Variants in FGF13 observed in about 807,000 individuals in gnomAD.
The protein encoded by FGF13 is fibroblast growth factor homologous factor 2.
FGF13 carries 2 observed loss-of-function variants against 19.5 expected under a neutral mutation model. The observed-to-expected ratio is 0.10, with a 90% CI of 0.04 to 0.32. FGF13 has a LOEUF of 0.32. Among genes scored for constraint, FGF13 ranks in the 10% least tolerant of loss-of-function variants. The pLI is 1.00. For synonymous variants in FGF13, 72 were observed against 76.9 expected (o/e 0.94, Z 0.33); for missense variants, 113 against 192.7 (o/e 0.59, Z 2.45).
intron 1 of FGF13, among the ~76,000 whole-genome samples, chrX:138,964,736 G>A (rs770004276): frequency 3.6e-5 from 4 of 111,230 alleles, no homozygotes; most frequent in Admixed American, 9.6e-5. Flanking sequence ...CATGGTAAGA[G>A]AGGGAGCCAG....
chrX:139,112,556 C>T (rs1412880151), intron 1 of FGF13, among the ~76,000 whole-genome samples: 1 of 111,882 alleles, frequency 8.9e-6, no homozygotes, highest in African/African-American at 3.3e-5. Context: ...TTTTTAATCC[C>T]CATAAAATGT....
intron 1 of FGF13, among the ~76,000 whole-genome samples, chrX:139,075,834 T>TAAAGTACCTTCATTTATATAGCTTGAATC (rs1603184653): frequency 1.4e-4 from 5 of 36,953 alleles, no homozygotes; most frequent in Admixed American, 2.4e-4. Flanking sequence ...GTGTATTTCT[T>TAAAGTACCTTCATTTATATAGCTTGAATC]TTTTTTTTTT....
intron 1 of FGF13, among the ~76,000 whole-genome samples, chrX:138,865,845 TACA>T (rs765801674): frequency 1.8e-4 from 20 of 111,748 alleles, no homozygotes; most frequent in Middle Eastern, 4.6e-3. Context: ...AATCAGGACC[TACA>T]ACATGTGTCT....
chrX:138,625,737 G>A lies in FGF13; in HGVS notation c.*7113C>T, dbSNP rs1289811586. The stretch of plus-strand genomic sequence containing the variant: ...GTGGTTACCAGGGTCTAGGGGGTGA[G>A]GTAACGTGGAGCTGTAAAAAAAATT... On this transcript the variant is annotated 3_prime_UTR_variant, in exon 5 of 5. Coordinates refer to ENST00000315930, the MANE Select transcript of FGF13 (RefSeq NM_004114.5). The A allele has an allele frequency of 9.3e-6, 1 of 107,723 alleles. No homozygotes were observed. The highest frequency in any genetic ancestry group is 1.0e-4 in the Admixed American group (1 of 9,809). 8.9% of individuals were successfully genotyped at this position (107,723 alleles called of 1,213,427 possible). A position where few individuals can be genotyped will look rare whatever the true frequency, so the allele number is the denominator to read the frequency against.
intron 3 of FGF13, among the ~76,000 whole-genome samples, chrX:138,836,015 A>G (rs140898992): frequency 0.043 from 4,741 of 110,755 alleles, 265 homozygotes; most frequent in African/African-American, 0.15. Flanking sequence ...TTGGCCCCCA[A>G]TGTCTTCTAG....
intron 1 of FGF13, among the ~76,000 whole-genome samples, chrX:138,952,241 C>T (rs1218335343): frequency 1.8e-5 from 2 of 111,221 alleles, no homozygotes; most frequent in Middle Eastern, 4.7e-3. Flanking sequence ...TATACACCAA[C>T]GGAGCAGAAC....
intron 3 of FGF13, among the ~76,000 whole-genome samples, chrX:138,816,241 A>G (rs191503457): frequency 1.8e-5 from 2 of 111,616 alleles, no homozygotes; most frequent in Admixed American, 1.9e-4. Context: ...ATGAAAAAAT[A>G]TTCACCCTTA....
chrX:138,775,660 C>T (rs1052201965), intron 3 of FGF13, among the ~76,000 whole-genome samples: 5 of 112,170 alleles, frequency 4.5e-5, no homozygotes, highest in South Asian at 3.7e-4. Context: ...TTCTCACTGG[C>T]GACTCTTAAG....
intron 1 of FGF13, among the ~76,000 whole-genome samples, chrX:139,176,710 C>T (rs1204137547): frequency 9.0e-6 from 1 of 111,418 alleles, no homozygotes; most frequent in East Asian, 2.8e-4. Flanking sequence ...GTTCAGTTTC[C>T]ATGTAGTTGT....
At chrX:139,072,009 CAAAAAAAAA>C (rs547217409) in intron 1 of FGF13, among the ~76,000 whole-genome samples, 1 of 24,845 alleles carries the variant, frequency 4.0e-5, no homozygotes, top group Non-Finnish European at 6.7e-5. Flanking sequence ...GATTCCATCT[CAAAAAAAAA>C]AAAAAAAAAA....
rs1185815251 is a variant in FGF13, at chrX:138,628,285, GA to G, written c.*4564del. On this transcript the variant is annotated 3_prime_UTR_variant, in exon 5 of 5. Transcript: ENST00000315930. ...TCTTTGTAAATATGGTTAAGAATTTGAAGGGTACTAGTGGCCTGACCTAGCT... is the reference window on the plus strand; with the variant it reads ...TCTTTGTAAATATGGTTAAGAATTTGAGGGTACTAGTGGCCTGACCTAGCT... 8.9e-6 allele frequency: 1 copy of G among 112,144 alleles called. No individual in the cohort carries two copies. Among genetic ancestry groups the G allele is most frequent in the African/African-American group, 3.2e-5 (1 of 30,916 alleles). 9.2% of individuals were successfully genotyped at this position (112,144 alleles called of 1,213,427 possible).
At chrX:139,014,465 T>C (rs1467689268) in intron 1 of FGF13, among the ~76,000 whole-genome samples, 3 of 111,676 alleles carry the variant, frequency 2.7e-5, no homozygotes, top group African/African-American at 9.7e-5. Flanking sequence ...TGAGCAACTA[T>C]ATTCCAATAA....
chrX:139,113,860 G>A (rs1246081600), intron 1 of FGF13, among the ~76,000 whole-genome samples: 1 of 111,931 alleles, frequency 8.9e-6, no homozygotes, highest in Non-Finnish European at 1.9e-5. Context: ...ACTGAAACAA[G>A]GATGACTAAG....
At chrX:138,835,391 T>C (rs2091105343) in intron 3 of FGF13, among the ~76,000 whole-genome samples, 1 of 112,307 alleles carries the variant, frequency 8.9e-6, no homozygotes, top group Admixed American at 9.4e-5. Flanking sequence ...ACTGAACCCT[T>C]TACCATTATG....
At chrX:138,961,425 CAGTT>C (rs113013324) in intron 1 of FGF13, among the ~76,000 whole-genome samples, 171 of 111,073 alleles carry the variant, frequency 1.5e-3, no homozygotes, top group African/African-American at 5.4e-3. Context: ...AGGTGTCTCT[CAGTT>C]AGGCTACTCG....
intron 1 of FGF13, among the ~76,000 whole-genome samples, chrX:139,064,717 C>A (rs985935602): frequency 2.7e-5 from 3 of 111,178 alleles, no homozygotes; most frequent in South Asian, 3.8e-4. Context: ...TGAATGTTGG[C>A]CTGTCTTACT....
At chrX:138,961,268 C>T (rs1223289613) in intron 1 of FGF13, among the ~76,000 whole-genome samples, 1 of 111,605 alleles carries the variant, frequency 9.0e-6, no homozygotes, top group Non-Finnish European at 1.9e-5. Flanking sequence ...CAGTCAGGAC[C>T]CTCAGCTGTA....
intron 3 of FGF13, among the ~76,000 whole-genome samples, chrX:138,668,599 G>A (rs1010320397): frequency 9.1e-6 from 1 of 109,623 alleles, no homozygotes; most frequent in African/African-American, 3.3e-5. Context: ...CAAGATGAAA[G>A]GTGTCTGCAT....
chrX:139,000,214 C>G (rs1171821813), intron 1 of FGF13, among the ~76,000 whole-genome samples: 2 of 111,770 alleles, frequency 1.8e-5, no homozygotes, highest in African/African-American at 6.5e-5. Context: ...TTATGACAAA[C>G]CCACAGCCAA....
Sources: allele counts gnomAD v4.1 joint callset (sites outside exome capture counted in the v4.1 genomes callset), GRCh38; gene constraint gnomAD v4.1.1; transcripts MANE v1.5; gene names NCBI Gene and HGNC (gene_info 2026-07-23, HGNC 2026-07-21).